TGFA: variants seen among roughly 807,000 people sequenced by gnomAD.
The protein encoded by TGFA is protransforming growth factor alpha.
A neutral mutation model predicts 21.7 loss-of-function variants in TGFA; 12 were observed. That is an observed-to-expected ratio of 0.55 (90% CI 0.35 to 0.90). TGFA has a LOEUF of 0.90. Among genes scored for constraint, TGFA ranks in the 40% least tolerant of loss-of-function variants. The pLI is 0.01. For missense variants in TGFA, 178 were observed against 210.8 expected, an observed-to-expected ratio of 0.84 and a Z score of 0.96; for synonymous variants, 79 against 88.1, an observed-to-expected ratio of 0.90 and a Z score of 0.58.
chr2:70,504,433 A>AATATATATATATATCTATATATATAT (rs1671838789), intron 2 of TGFA, among the ~76,000 whole-genome samples: 1 of 62,444 alleles, frequency 1.6e-5, no homozygotes, highest in Non-Finnish European at 3.2e-5. Flanking sequence ...AAACAAAACA[A>AATATATATATATATCTATATATATAT]ATATATATAT....
intron 2 of TGFA, among the ~76,000 whole-genome samples, chr2:70,479,710 T>G (rs1260780682): frequency 6.6e-6 from 1 of 152,144 alleles, no homozygotes; most frequent in East Asian, 1.9e-4. Context: ...TTAAAAAAAA[T>G]TACTGACTTT....
At position 70,449,572 on chromosome 2, in the gene TGFA, C is replaced by A; in HGVS notation, c.*1287G>T. 3.9e-6 allele frequency: 1 copy of A among 256,442 alleles called. No individual in the cohort carries two copies. Among genetic ancestry groups the A allele is most frequent in the Non-Finnish European group, 8.1e-6 (1 of 124,200 alleles). The allele number at this position is 256,442 out of a possible 1,614,324, so 15.9% of individuals were successfully genotyped here. A position where few individuals can be genotyped will look rare whatever the true frequency, so the allele number is the denominator to read the frequency against. ...CCTTCTCTTGAGGGGAAAGGAAGAC[C>A]CACATAGTGGAGGTGACTTGTTAGA... On this transcript the variant is annotated 3_prime_UTR_variant, in exon 6 of 6. Transcript: ENST00000295400.
intron 2 of TGFA, among the ~76,000 whole-genome samples, chr2:70,514,600 C>T (rs1382267867): frequency 1.3e-5 from 2 of 152,098 alleles, no homozygotes; most frequent in African/African-American, 4.8e-5. Flanking sequence ...CACACTTGCC[C>T]ACAGGAATTG....
chr2:70,456,539 C>T (rs1670235735), intron 3 of TGFA, 51 bp from the exon 4 acceptor site: 4 of 1,542,980 alleles, frequency 2.6e-6, no homozygotes, highest in Non-Finnish European at 2.6e-6. Flanking sequence ...GGTCTTGTTA[C>T]CCTAGCTCTC....
Position 70,450,687 on chromosome 2 carries a change from A to T in TGFA, c.*172T>A. 1 of 666,216 alleles carries T rather than the reference A, an allele frequency of 1.5e-6. No homozygotes were observed. The highest frequency in any genetic ancestry group is 2.7e-6 in the Non-Finnish European group (1 of 376,926). 41.3% of individuals were successfully genotyped at this position (666,216 alleles called of 1,614,324 possible). On this transcript the variant is annotated 3_prime_UTR_variant, in exon 6 of 6. Transcript: ENST00000295400. ...TAGGTCACACTGAATAACCCCAAGC[A>T]GACGGAGTTCTTGACAGAGTTTTGA...
At chr2:70,487,770 T>C (rs1339056621) in intron 2 of TGFA, among the ~76,000 whole-genome samples, 1 of 152,250 alleles carries the variant, frequency 6.6e-6, no homozygotes, top group African/African-American at 2.4e-5. Context: ...CTCACTATTA[T>C]GAAACATTAT....
intron 2 of TGFA, among the ~76,000 whole-genome samples, chr2:70,498,079 G>C (rs920060732): frequency 1.3e-5 from 2 of 152,226 alleles, no homozygotes; most frequent in African/African-American, 4.8e-5. Flanking sequence ...AGCATTCCAA[G>C]AGCTTGTTTG....
rs1553488881 is a variant in TGFA at position 70,447,449 on chromosome 2, C to CA, written c.*3409dup. Reference sequence around the variant, plus strand: ...AACTGCTAATCACATTAACACATTACAGAAATCAAAATTAACTTACCACAC... The same window carrying CA: ...AACTGCTAATCACATTAACACATTACAAGAAATCAAAATTAACTTACCACAC... On this transcript the variant is annotated 3_prime_UTR_variant, in exon 6 of 6. Coordinates refer to ENST00000295400, the MANE Select transcript of TGFA (RefSeq NM_003236.4). 3 of 152,552 alleles carry CA rather than the reference C, an allele frequency of 2.0e-5. No homozygotes were observed. The highest frequency in any genetic ancestry group is 4.4e-5 in the Non-Finnish European group (3 of 68,036). The allele number at this position is 152,552 out of a possible 1,614,324, so 9.4% of individuals were successfully genotyped here. A position where few individuals can be genotyped will look rare whatever the true frequency, so the allele number is the denominator to read the frequency against.
intron 2 of TGFA, among the ~76,000 whole-genome samples, chr2:70,501,523 A>G (rs1377423359): frequency 6.6e-6 from 1 of 152,180 alleles, no homozygotes; most frequent in African/African-American, 2.4e-5. Context: ...GAAAGAGAGA[A>G]AGTCAACTTA....
intron 2 of TGFA, among the ~76,000 whole-genome samples, chr2:70,471,362 GCCACAC>G (rs767868400): frequency 1.4e-4 from 22 of 152,196 alleles, no homozygotes; most frequent in Non-Finnish European, 2.9e-4. Context: ...CCAAGGGCAA[GCCACAC>G]TGTGACCACT....
At chr2:70,474,969 C>CGTGTGTGTGTGTGTGTGTGTGT (rs57147767) in intron 2 of TGFA, among the ~76,000 whole-genome samples, 2 of 147,592 alleles carry the variant, frequency 1.4e-5, no homozygotes, top group South Asian at 4.4e-4. Flanking sequence ...ACACAGCAGC[C>CGTGTGTGTGTGTGTGTGTGTGT]GTGTGTGTGT....
chr2:70,485,429 G>A (rs1671242414), intron 2 of TGFA, among the ~76,000 whole-genome samples: 1 of 152,096 alleles, frequency 6.6e-6, no homozygotes, highest in Admixed American at 6.5e-5. Context: ...GTAGAGATGG[G>A]GTTTCACCAT....
At chr2:70,521,258 T>C (rs1473333245) in intron 1 of TGFA, among the ~76,000 whole-genome samples, 1 of 152,094 alleles carries the variant, frequency 6.6e-6, no homozygotes, top group East Asian at 1.9e-4. Flanking sequence ...CATAACCTGA[T>C]CCTAGACCTC....
At chr2:70,508,359 C>T (rs1235180300) in intron 2 of TGFA, among the ~76,000 whole-genome samples, 4 of 152,132 alleles carry the variant, frequency 2.6e-5, no homozygotes, top group East Asian at 1.9e-4. Flanking sequence ...GCAGGAGAAT[C>T]GCTTGAATCT....
chr2:70,514,583 G>C (rs558189953), intron 2 of TGFA, among the ~76,000 whole-genome samples: 1 of 152,204 alleles, frequency 6.6e-6, no homozygotes, highest in South Asian at 2.1e-4. Context: ...TGCAGGCCCT[G>C]TTTTGGCACA....
At chr2:70,485,151 T>C (rs1671231738) in intron 2 of TGFA, among the ~76,000 whole-genome samples, 1 of 152,228 alleles carries the variant, frequency 6.6e-6, no homozygotes, top group East Asian at 1.9e-4. Context: ...GTCTTGTTTA[T>C]AGCAATACTG....
intron 1 of TGFA, among the ~76,000 whole-genome samples, chr2:70,552,381 A>T (rs1553506935): frequency 6.6e-6 from 1 of 152,214 alleles, no homozygotes. Context: ...ATTACAAGGG[A>T]TAATTATATC....
chr2:70,472,488 A>C (rs1670783832), intron 2 of TGFA, among the ~76,000 whole-genome samples: 1 of 152,122 alleles, frequency 6.6e-6, no homozygotes, highest in African/African-American at 2.4e-5. Flanking sequence ...CCACAGACCC[A>C]CTAACAGGGC....
intron 1 of TGFA, among the ~76,000 whole-genome samples, chr2:70,544,627 CA>C (rs1323821498): frequency 1.3e-5 from 2 of 152,180 alleles, no homozygotes; most frequent in Non-Finnish European, 2.9e-5. Flanking sequence ...CAGCACAGAA[CA>C]GGTGCTTGGT....
Sources: allele counts gnomAD v4.1 joint callset (sites outside exome capture counted in the v4.1 genomes callset), GRCh38; gene constraint gnomAD v4.1.1; transcripts MANE v1.5; gene names NCBI Gene and HGNC (gene_info 2026-07-23, HGNC 2026-07-21).